ATL2: variants seen among roughly 807,000 people sequenced by gnomAD.
The protein encoded by ATL2 is atlastin GTPase 2.
A neutral mutation model predicts 73.9 loss-of-function variants in ATL2; 31 were observed. The ratio of observed to expected loss-of-function variants is 0.42; its 90% CI spans 0.32 to 0.57. ATL2 has a LOEUF of 0.57. Among genes scored for constraint, ATL2 ranks in the 20% least tolerant of loss-of-function variants. The pLI, the probability that ATL2 is intolerant of heterozygous loss-of-function variation, is 0.14. For missense variants in ATL2, 738 were observed against 702.6 expected (o/e 1.05, Z -0.57); for synonymous variants, 291 against 237.5 (o/e 1.23, Z -2.07).
In ATL2 at chr2:38,321,079, C is replaced by T. The variant is rs567258211; in HGVS notation, c.364-2060G>A. Among the ~76,000 whole-genome samples the T allele has an allele frequency of 9.2e-5, 14 of 152,130 alleles. No individual in the cohort carries two copies. The South Asian group carries it at 2.7e-3, about 29-fold the overall frequency. ...CTGAGGGAGGAGAATCGCTTGAACC[C>T]GGGTTTCAGGTGGGTTGTGGGAGGT... On this transcript the variant is annotated intron_variant, in intron 2 of 12. Coordinates refer to ENST00000378954, the MANE Select transcript of ATL2 (RefSeq NM_001135673.4).
At chr2:38,321,690 A>G (rs1010548014) in intron 2 of ATL2, among the ~76,000 whole-genome samples, 9 of 152,272 alleles carry the variant, frequency 5.9e-5, no homozygotes, top group Non-Finnish European at 1.0e-4. Context: ...GATCTGCTGC[A>G]TAACAATCCT....
intron 11 of ATL2, 135 bp downstream of exon 11, chr2:38,299,121 T>C: frequency 2.7e-6 from 2 of 741,300 alleles, no homozygotes; most frequent in South Asian, 3.7e-5. Flanking sequence ...GCAAAGACCA[T>C]AAAGGGGAAT....
chr2:38,307,322 C>G (rs904488394), intron 9 of ATL2, among the ~76,000 whole-genome samples: 1 of 151,752 alleles, frequency 6.6e-6, no homozygotes, highest in African/African-American at 2.4e-5. Context: ...TTTCCCAGAG[C>G]AATGTCCTGG....
chr2:38,325,220 G>GA (rs1292831125), intron 2 of ATL2, among the ~76,000 whole-genome samples: 5 of 152,130 alleles, frequency 3.3e-5, no homozygotes, highest in Non-Finnish European at 5.9e-5. Flanking sequence ...TACAACAAGA[G>GA]AAAAGCTTAG....
rs1466523855 is a variant in ATL2, at chr2:38,376,195, G to C, written c.118+948C>G. The C allele has an allele frequency of 4.6e-6, 7 of 1,517,374 alleles. No individual in the cohort carries two copies. In the East Asian group the frequency reaches 1.5e-4, roughly 32 times the overall value. The allele number at this position is 1,517,374 out of a possible 1,614,324, so 94.0% of individuals were successfully genotyped here. A position where few individuals can be genotyped will look rare whatever the true frequency, so the allele number is the denominator to read the frequency against. ...TAAGTACCATCAAAATTTTCAATCA[G>C]GATTTCATGCGATCAATTCGCACCA... On this transcript the variant is annotated intron_variant, in intron 1 of 12. Coordinates refer to ENST00000378954, the MANE Select transcript of ATL2 (RefSeq NM_001135673.4).
chr2:38,303,774 G>A (rs1416184905), intron 9 of ATL2, among the ~76,000 whole-genome samples: 1 of 152,108 alleles, frequency 6.6e-6, no homozygotes, highest in African/African-American at 2.4e-5. Flanking sequence ...ACACCAAGCA[G>A]ACTTGACCCA....
In ATL2 at chr2:38,298,397, A is replaced by T. The variant is rs777146002; in HGVS notation, c.1379T>A (p.Ile460Lys). 6.2e-7 allele frequency: 1 copy of T among 1,614,232 alleles called. No individual in the cohort carries two copies. Among genetic ancestry groups the T allele is most frequent in the Non-Finnish European group, 8.5e-7 (1 of 1,180,030 alleles). ...GATATTTTTGCCATCATTGTGCTTT[A>T]TAAAATTTGCATAGGTTTCTTCAAT... ...AEIEETYANFIKHNDGKNIFY... is the reference protein window; with the variant it reads ...AEIEETYANFKKHNDGKNIFY... Residue 460 changes from isoleucine to lysine, a missense_variant, in exon 12 of 13, where the codon ATA (isoleucine) becomes AAA (lysine). Coordinates refer to ENST00000378954, the MANE Select transcript of ATL2 (RefSeq NM_001135673.4).
chr2:38,299,459 T>A, intron 10 of ATL2, 132 bp from the exon 11 acceptor site: 1 of 934,798 alleles, frequency 1.1e-6, no homozygotes. Context: ...AGTTTTTCTT[T>A]CCTATGCAAG....
At chr2:38,299,191 A>G (rs1016812742) in intron 11 of ATL2, 65 bp downstream of exon 11, 7 of 995,588 alleles carry the variant, frequency 7.0e-6, no homozygotes, top group Non-Finnish European at 9.4e-6. Context: ...AATTTTTTTA[A>G]TTTTTTTTTT....
intron 1 of ATL2, among the ~76,000 whole-genome samples, chr2:38,353,406 G>C (rs1220384812): frequency 2.0e-5 from 3 of 152,116 alleles, no homozygotes; most frequent in Admixed American, 2.0e-4. Context: ...CTAATCTGAA[G>C]TACAGAGAGA....
At chr2:38,351,496 A>ATT (rs58343546) in intron 1 of ATL2, among the ~76,000 whole-genome samples, 6 of 143,698 alleles carry the variant, frequency 4.2e-5, no homozygotes, top group South Asian at 2.2e-4. Context: ...TATATATTTA[A>ATT]TTTTTTTTTT....
chr2:38,368,274 C>T (rs1356116386), intron 1 of ATL2, among the ~76,000 whole-genome samples: 12 of 142,548 alleles, frequency 8.4e-5, no homozygotes, highest in Non-Finnish European at 1.7e-4. Flanking sequence ...TAATTTGAGA[C>T]GGAGTTTCAC....
chr2:38,300,385 C>G (rs886647747), intron 9 of ATL2, 57 bp from the exon 10 acceptor site: 15 of 1,212,098 alleles, frequency 1.2e-5, no homozygotes, highest in Admixed American at 3.6e-5. Flanking sequence ...CTCCACATCC[C>G]CAAAGAAAGA....
At chr2:38,350,214 C>A (rs1670259280) in intron 1 of ATL2, among the ~76,000 whole-genome samples, 1 of 152,136 alleles carries the variant, frequency 6.6e-6, no homozygotes, top group Admixed American at 6.5e-5. Flanking sequence ...AAGTAGATTT[C>A]AGCCCCCCAA....
chr2:38,365,360 TAA>T (rs1020774604), intron 1 of ATL2, among the ~76,000 whole-genome samples: 49 of 151,846 alleles, frequency 3.2e-4, no homozygotes, highest in Middle Eastern at 3.4e-3. Context: ...AGCAGCAGTT[TAA>T]AAAAAGAGAA....
At chr2:38,310,050 C>T (rs1667662769) in intron 8 of ATL2, among the ~76,000 whole-genome samples, 1 of 152,168 alleles carries the variant, frequency 6.6e-6, no homozygotes, top group South Asian at 2.1e-4. Flanking sequence ...AAAAGAAATG[C>T]TCTCAGCCTT....
chr2:38,338,456 AAAGTT>A (rs1669503104), intron 2 of ATL2, among the ~76,000 whole-genome samples: 2 of 152,218 alleles, frequency 1.3e-5, no homozygotes, highest in South Asian at 4.1e-4. Context: ...TTCTAAAATA[AAAGTT>A]AAAATTATTT....
intron 1 of ATL2, among the ~76,000 whole-genome samples, chr2:38,367,731 C>A (rs1371150468): frequency 6.8e-6 from 1 of 147,520 alleles, no homozygotes; most frequent in Non-Finnish European, 1.5e-5. Context: ...CTCCAGGGTT[C>A]AAGTGATTCT....
chr2:38,300,373 G>T lies in ATL2; in HGVS notation c.1072-45C>A, dbSNP rs146127139. 4.4e-6 allele frequency: 6 copies of T among 1,363,118 alleles called. No homozygotes were observed. The African/African-American group carries it at 8.6e-5, about 20-fold the overall frequency. 84.4% of individuals were successfully genotyped at this position (1,363,118 alleles called of 1,614,324 possible). On this transcript the variant is annotated intron_variant, in intron 9 of 12. Transcript: ENST00000378954. ...GTTAGACTGACGGATTATGCAATTTGGCTCCACATCCCCAAAGAAAGAAAA... is the reference window on the plus strand; with the variant it reads ...GTTAGACTGACGGATTATGCAATTTTGCTCCACATCCCCAAAGAAAGAAAA...
Sources: gnomAD v4.1 joint callset for allele counts (sites outside exome capture counted in the v4.1 genomes callset) on GRCh38, gnomAD v4.1.1 for gene constraint, MANE v1.5 for transcripts, NCBI Gene and HGNC (gene_info 2026-07-23, HGNC 2026-07-21) for gene names.